NINJ1: variants seen among roughly 807,000 people sequenced by gnomAD.
NINJ1 encodes the protein ninjurin-1.
NINJ1 carries 6 observed loss-of-function variants against 12.7 expected under a neutral mutation model. The observed-to-expected ratio is 0.47, with a 90% confidence interval of 0.26 to 0.93. The LOEUF is 0.93. Ranked by LOEUF, NINJ1 falls within the 40% of genes least tolerant of loss-of-function variation. NINJ1 has a pLI of 0.15. For synonymous variants in NINJ1, 100 were observed against 96.0 expected (o/e 1.04, Z -0.25); for missense variants, 170 against 213.0 (o/e 0.80, Z 1.26).
At chr9:93,122,420 G>C (rs190848858) in intron 3 of NINJ1, among the ~76,000 whole-genome samples, 190 bp from the exon 4 acceptor site, 61 of 150,490 alleles carry the variant, frequency 4.1e-4, no homozygotes, top group Non-Finnish European at 6.8e-4. Flanking sequence ...GCCTGGGAAG[G>C]GGGGAGAGGA....
chr9:93,124,875 C>T (rs1827787039), intron 3 of NINJ1, 24 bp downstream of exon 3: 3 of 1,583,152 alleles, frequency 1.9e-6, no homozygotes, highest in Non-Finnish European at 2.6e-6. Flanking sequence ...GACTGCAGGC[C>T]TCGCGCCCCA....
At chr9:93,122,639 A>G (rs1385098701) in intron 3 of NINJ1, among the ~76,000 whole-genome samples, 1 of 152,194 alleles carries the variant, frequency 6.6e-6, no homozygotes, top group East Asian at 1.9e-4. Context: ...TGAATATAGC[A>G]TGGCTGGGTT....
chr9:93,125,501 G>T, intron 2 of NINJ1: 1 of 155,830 alleles, frequency 6.4e-6, no homozygotes. Context: ...GGGGACCCTG[G>T]GCCCAGAAGG....
At chr9:93,131,987 C>A (rs1317966040) in intron 1 of NINJ1, among the ~76,000 whole-genome samples, 8 of 152,200 alleles carry the variant, frequency 5.3e-5, no homozygotes, top group African/African-American at 1.9e-4. Context: ...CCAGGGGTCA[C>A]CAGTGGGAGA....
At chr9:93,132,135 T>C (rs1192233837) in intron 1 of NINJ1, among the ~76,000 whole-genome samples, 1 of 152,186 alleles carries the variant, frequency 6.6e-6, no homozygotes, top group Non-Finnish European at 1.5e-5. Context: ...GATGAGAAAC[T>C]GAGGCACAGA....
chr9:93,127,631 T>C (rs1283761614), intron 1 of NINJ1, among the ~76,000 whole-genome samples: 3 of 152,224 alleles, frequency 2.0e-5, no homozygotes, highest in Non-Finnish European at 4.4e-5. Flanking sequence ...CAAGCTGCCC[T>C]GGTGGGGCCC....
At chr9:93,128,431 C>G (rs905529775) in intron 1 of NINJ1, among the ~76,000 whole-genome samples, 2 of 152,218 alleles carry the variant, frequency 1.3e-5, no homozygotes, top group Non-Finnish European at 2.9e-5. Flanking sequence ...GTGTCCCTGT[C>G]CCACCACTGT....
rs1467989192 is a variant in NINJ1, at chr9:93,123,080, G to A, written c.*10-850C>T. Among the ~76,000 whole-genome samples the A allele has an allele frequency of 7.9e-5, 12 of 152,330 alleles. No homozygotes were observed. The South Asian group carries it at 2.3e-3, about 29-fold the overall frequency. ...TCAGGAGGGTGACTTCAGGCTCCACGGCCGGGACATTGGGGGCTGGCGTGA... is the reference window on the plus strand; with the variant it reads ...TCAGGAGGGTGACTTCAGGCTCCACAGCCGGGACATTGGGGGCTGGCGTGA... On this transcript the variant is annotated intron_variant, in intron 3 of 3. Transcript: ENST00000375446.
chr9:93,122,440 A>G (rs1429746502), intron 3 of NINJ1, among the ~76,000 whole-genome samples: 2 of 127,820 alleles, frequency 1.6e-5, no homozygotes, highest in African/African-American at 6.1e-5. Context: ...AGAGGCTCTG[A>G]GCCTGGAAGG....
chr9:93,127,248 C>G (rs1337903923), intron 1 of NINJ1, among the ~76,000 whole-genome samples: 4 of 152,244 alleles, frequency 2.6e-5, no homozygotes, highest in African/African-American at 9.6e-5. Context: ...CACCCAGAGC[C>G]CGGCCCCGAC....
At chr9:93,125,281 A>G (rs1827795744) in intron 2 of NINJ1, 1 of 452,640 alleles carries the variant, frequency 2.2e-6, no homozygotes, top group African/African-American at 2.0e-5. Flanking sequence ...CCCACGGTCT[A>G]TGACCCCACC....
Position 93,125,061 on chromosome 9 carries a change from G to T in NINJ1, c.306C>A (p.Val102=). 2 of 1,610,478 alleles carry T rather than the reference G, an allele frequency of 1.2e-6. No individual in the cohort carries two copies. The highest frequency in any genetic ancestry group is 2.2e-5 in the South Asian group (2 of 90,520). Residue 102 remains valine, a splice_region_variant and synonymous_variant, in exon 3 of 4, where the codon GTC becomes GTA. Coordinates refer to ENST00000375446, the MANE Select transcript of NINJ1 (RefSeq NM_004148.4). The part of the protein sequence containing the change: ...IGVGVLLIFL[V]KYDLNNPAKH... ...TGGCCGGGTTGTTAAGGTCGTACTT[G>T]ACTGTGGGCGAGAGAGGAGTGGATG...
chr9:93,123,100 G>T (rs1378093224), intron 3 of NINJ1, among the ~76,000 whole-genome samples: 2 of 152,226 alleles, frequency 1.3e-5, no homozygotes, highest in Non-Finnish European at 2.9e-5. Context: ...TTGGGGGCTG[G>T]CGTGATCCCA....
intron 1 of NINJ1, among the ~76,000 whole-genome samples, chr9:93,128,891 C>T (rs1827850504): frequency 6.6e-6 from 1 of 152,256 alleles, no homozygotes; most frequent in African/African-American, 2.4e-5. Context: ...AATACACATG[C>T]ACATACATAC....
At chr9:93,127,138 C>T (rs921047237) in intron 1 of NINJ1, among the ~76,000 whole-genome samples, 4 of 152,202 alleles carry the variant, frequency 2.6e-5, no homozygotes, top group African/African-American at 9.6e-5. Flanking sequence ...ACCTCCCAAC[C>T]TCCCAGCCTT....
Position 93,126,297 on chromosome 9 carries a change from C to G in NINJ1, c.304+113G>C. ...GTCTGGGTGATGAGGGCCAGGAACTCGGCAGCTCCTTGAGAGCCAAGTGTG... is the reference window on the plus strand; with the variant it reads ...GTCTGGGTGATGAGGGCCAGGAACTGGGCAGCTCCTTGAGAGCCAAGTGTG... On this transcript the variant is annotated intron_variant, in intron 2 of 3. Coordinates refer to ENST00000375446, the MANE Select transcript of NINJ1 (RefSeq NM_004148.4). 4.8e-6 allele frequency: 4 copies of G among 839,790 alleles called. No individual in the cohort carries two copies. In the South Asian group the frequency reaches 6.9e-5, roughly 14 times the overall value. The allele number at this position is 839,790 out of a possible 1,614,324, so 52.0% of individuals were successfully genotyped here. A position where few individuals can be genotyped will look rare whatever the true frequency, so the allele number is the denominator to read the frequency against.
chr9:93,132,776 C>T (rs1564221325), intron 1 of NINJ1, among the ~76,000 whole-genome samples: 1 of 152,258 alleles, frequency 6.6e-6, no homozygotes, highest in Non-Finnish European at 1.5e-5. Context: ...ATGCACCCAT[C>T]TCAGGAGGCA....
chr9:93,123,725 A>T (rs1007858628), intron 3 of NINJ1, among the ~76,000 whole-genome samples: 4 of 151,986 alleles, frequency 2.6e-5, no homozygotes, highest in Admixed American at 1.3e-4. Flanking sequence ...ACTCACCTCC[A>T]CCTCTGCTAC....
At chr9:93,133,881 C>G (rs980050244) in intron 1 of NINJ1, among the ~76,000 whole-genome samples, 7 of 152,302 alleles carry the variant, frequency 4.6e-5, no homozygotes, top group African/African-American at 1.2e-4. Flanking sequence ...TGCAGCCAAG[C>G]GCGGGCGCTG....
Sources: allele counts gnomAD v4.1 joint callset (sites outside exome capture counted in the v4.1 genomes callset), GRCh38; gene constraint gnomAD v4.1.1; transcripts MANE v1.5; gene names NCBI Gene and HGNC (gene_info 2026-07-23, HGNC 2026-07-21).